Variants in PVT1 observed in about 807,000 individuals in gnomAD.
PVT1 encodes Pvt1 oncogene.
At chr8:128,051,943 T>C (rs1167948050) in intron 4 of PVT1, among the ~76,000 whole-genome samples, 1 of 152,264 alleles carries the variant, frequency 6.6e-6, no homozygotes, top group Non-Finnish European at 1.5e-5. Flanking sequence ...TCTTTAGGAT[T>C]GGTTACTGGT....
intron 3 of PVT1, among the ~76,000 whole-genome samples, chr8:127,902,325 G>A (rs1715808978): frequency 6.6e-6 from 1 of 152,112 alleles, no homozygotes; most frequent in African/African-American, 2.4e-5. Context: ...CATTTCTAGT[G>A]CTGTCATTGT....
At chr8:128,003,075 G>A (rs1350257942) in intron 4 of PVT1, among the ~76,000 whole-genome samples, 1 of 147,654 alleles carries the variant, frequency 6.8e-6, no homozygotes, top group African/African-American at 2.5e-5. Context: ...TCGGCTTGCT[G>A]CAACCTCCAT....
chr8:128,069,042 CCTT>C (rs1813948982), intron 4 of PVT1, among the ~76,000 whole-genome samples: 1 of 152,190 alleles, frequency 6.6e-6, no homozygotes. Context: ...ACTCCAGGGT[CCTT>C]CTGTTTCACG....
chr8:127,944,815 C>T (rs1199803665), intron 3 of PVT1, among the ~76,000 whole-genome samples: 10 of 152,092 alleles, frequency 6.6e-5, no homozygotes, highest in Admixed American at 6.6e-5. Context: ...TCGATGACTC[C>T]GAGGGCGCAG....
intron 3 of PVT1, among the ~76,000 whole-genome samples, chr8:127,904,814 G>T (rs929636500): frequency 6.6e-6 from 1 of 152,214 alleles, no homozygotes; most frequent in African/African-American, 2.4e-5. Flanking sequence ...AGTGCAAAAT[G>T]AAATATGGGC....
intron 4 of PVT1, among the ~76,000 whole-genome samples, chr8:128,069,849 T>C (rs759547974): frequency 4.6e-5 from 7 of 152,202 alleles, no homozygotes; most frequent in African/African-American, 7.2e-5. Context: ...TCGAATTTTA[T>C]TATGAATGCC....
At chr8:127,817,545 A>ACG (rs1814679839) in intron 2 of PVT1, among the ~76,000 whole-genome samples, 2 of 94,996 alleles carry the variant, frequency 2.1e-5, no homozygotes, top group African/African-American at 9.2e-5. Context: ...ATATATATAT[A>ACG]TACACACACA....
intron 3 of PVT1, among the ~76,000 whole-genome samples, chr8:127,964,143 G>T: frequency 6.6e-6 from 1 of 152,228 alleles, no homozygotes; most frequent in Non-Finnish European, 1.5e-5. Context: ...GGAAGGCTGG[G>T]CAAAGAGGGG....
At chr8:128,077,572 C>T (rs1032263599) in intron 5 of PVT1, among the ~76,000 whole-genome samples, 4 of 152,040 alleles carry the variant, frequency 2.6e-5, no homozygotes, top group African/African-American at 9.7e-5. Context: ...TCACATTAAC[C>T]AAGATAAACC....
chr8:127,842,838 C>T (rs542083295), intron 2 of PVT1, among the ~76,000 whole-genome samples: 30 of 152,234 alleles, frequency 2.0e-4, no homozygotes, highest in African/African-American at 3.4e-4. Flanking sequence ...GCTCCTGTGC[C>T]GGCTCTCAAA....
At chr8:127,974,599 A>G (rs1253641505) in intron 3 of PVT1, among the ~76,000 whole-genome samples, 1 of 151,598 alleles carries the variant, frequency 6.6e-6, no homozygotes, top group Non-Finnish European at 1.5e-5. Context: ...ATTTTTTAGT[A>G]GAGATGGGGT....
intron 2 of PVT1, among the ~76,000 whole-genome samples, chr8:127,843,008 G>T (rs1007166556): frequency 4.8e-4 from 73 of 152,268 alleles, no homozygotes; most frequent in African/African-American, 1.7e-3. Context: ...CAGTTTCCTG[G>T]TCTACAGAAG....
chr8:127,929,432 A>T lies in PVT1; in HGVS notation n.782+38434A>T, dbSNP rs555088169. On this transcript the variant is annotated intron_variant and non_coding_transcript_variant, in intron 3 of 10. Coordinates refer to ENST00000651587, the Ensembl canonical transcript of PVT1. ...TTTCTTCCAGGAAATCTTCCTCCCA[A>T]CTCTTGCTTTGCAATTAGGCAAAAG... Among the ~76,000 whole-genome samples the T allele has an allele frequency of 2.0e-4, 31 of 151,648 alleles. 1 individual carries two copies. In the South Asian group the frequency reaches 6.3e-3, roughly 31 times the overall value.
chr8:127,852,457 C>T (rs901209667), intron 2 of PVT1: 2 of 152,274 alleles, frequency 1.3e-5, no homozygotes, highest in African/African-American at 4.8e-5. Context: ...AGTGCGTCGA[C>T]TCTGCCTCTA....
intron 3 of PVT1, among the ~76,000 whole-genome samples, chr8:127,967,762 C>T (rs752427): frequency 0.55 from 84,174 of 152,162 alleles, 24,153 homozygotes; most frequent in South Asian, 0.76. Context: ...CAGCTTTCTA[C>T]ATCCAGATAA....
chr8:127,854,113 G>A (rs1375365318), intron 2 of PVT1, among the ~76,000 whole-genome samples: 4 of 152,064 alleles, frequency 2.6e-5, no homozygotes, highest in Non-Finnish European at 5.9e-5. Context: ...CTTGCCCTCC[G>A]TAGGCAGGCC....
chr8:127,818,865 G>A (rs1039550747), intron 2 of PVT1, among the ~76,000 whole-genome samples: 2 of 140,882 alleles, frequency 1.4e-5, no homozygotes, highest in Non-Finnish European at 3.2e-5. Flanking sequence ...ATAAACGCTG[G>A]TTATTCTCTC....
chr8:127,858,453 A>T (rs1815184624), intron 2 of PVT1, among the ~76,000 whole-genome samples: 1 of 151,680 alleles, frequency 6.6e-6, no homozygotes, highest in African/African-American at 2.4e-5. Flanking sequence ...TAAATAAAAG[A>T]TGGTCTTGAG....
At chr8:127,814,489 T>C (rs1448453557) in intron 2 of PVT1, among the ~76,000 whole-genome samples, 3 of 152,202 alleles carry the variant, frequency 2.0e-5, no homozygotes, top group Non-Finnish European at 4.4e-5. Flanking sequence ...TCTCATTTAT[T>C]TAGCTCCTGC....
Sources: gnomAD v4.1 joint callset for allele counts (sites outside exome capture counted in the v4.1 genomes callset) on GRCh38, gnomAD v4.1.1 for gene constraint, MANE v1.5 for transcripts, NCBI Gene and HGNC (gene_info 2026-07-23, HGNC 2026-07-21) for gene names.